VIPR1: variants seen among roughly 807,000 people sequenced by gnomAD.
The protein encoded by VIPR1 is vasoactive intestinal peptide receptor 1.
Under a neutral mutation model 58.8 loss-of-function variants are expected in VIPR1, and 59 were observed. That is an observed-to-expected ratio of 1.00 (90% CI 0.81 to 1.25). The LOEUF (loss-of-function observed/expected upper bound fraction) is 1.25. Among genes scored for constraint, VIPR1 ranks in the 50% most tolerant of loss-of-function variants. VIPR1 has a pLI of 0.00. For synonymous variants in VIPR1, 251 were observed against 242.1 expected (o/e 1.04, Z -0.34); for missense variants, 626 against 602.7 (o/e 1.04, Z -0.40).
chr3:42,493,303 G>T (rs1438777222), intron 1 of VIPR1, among the ~76,000 whole-genome samples: 1 of 152,152 alleles, frequency 6.6e-6, no homozygotes, highest in African/African-American at 2.4e-5. Flanking sequence ...TCAGGGAGAG[G>T]GCAGCCACTC....
chr3:42,507,958 A>C (rs1559481145), intron 1 of VIPR1: 1 of 72,096 alleles, frequency 1.4e-5, no homozygotes, highest in Non-Finnish European at 4.3e-5. Flanking sequence ...GAGGCTGGCA[A>C]AAAAAAAAAA....
chr3:42,531,865 T>G lies in VIPR1; in HGVS notation c.914T>G (p.Ile305Ser). 1 of 1,614,036 alleles carries G rather than the reference T, an allele frequency of 6.2e-7. No homozygotes were observed. The highest frequency in any genetic ancestry group is 8.5e-7 in the Non-Finnish European group (1 of 1,179,988). The change falls in exon 9 of 13, where the codon ATC becomes AGC. Residue 305 changes from isoleucine to serine, a missense_variant. By Grantham distance (142) the Ile-to-Ser change is moderately radical. Transcript: ENST00000325123. ...WIIKGPILTS[I>S]LVNFILFICI... is the part of the protein sequence containing the mutation. ...ATAAAGGGCCCCATCCTCACCTCCATCTTGGTAAGATACCCTCCCACCACC... is the reference window on the plus strand; with the variant it reads ...ATAAAGGGCCCCATCCTCACCTCCAGCTTGGTAAGATACCCTCCCACCACC...
Position 42,536,501 on chromosome 3 carries a change from C to A in VIPR1, c.*220C>A. The A allele has an allele frequency of 4.3e-6, 2 of 460,352 alleles. No individual in the cohort carries two copies. Among genetic ancestry groups the A allele is most frequent in the South Asian group, 4.8e-5 (1 of 20,952 alleles). The allele number at this position is 460,352 out of a possible 1,614,324, so 28.5% of individuals were successfully genotyped here. Reference sequence around the variant, plus strand: ...AAGTGAGAGAGATGGGAGCTCCTCTCCTGGAGGATTGCAGGTGGAACTCAG... The same window carrying A: ...AAGTGAGAGAGATGGGAGCTCCTCTACTGGAGGATTGCAGGTGGAACTCAG... On this transcript the variant is annotated 3_prime_UTR_variant, in exon 13 of 13. Coordinates refer to ENST00000325123, the MANE Select transcript of VIPR1 (RefSeq NM_004624.4).
chr3:42,520,375 T>C (rs562551114), intron 3 of VIPR1, among the ~76,000 whole-genome samples: 5 of 152,160 alleles, frequency 3.3e-5, no homozygotes, highest in Non-Finnish European at 7.3e-5. Flanking sequence ...AAGTCCAATT[T>C]AGATTTTTAA....
chr3:42,503,496 C>T (rs1699971431), intron 1 of VIPR1, among the ~76,000 whole-genome samples: 1 of 152,196 alleles, frequency 6.6e-6, no homozygotes, highest in Non-Finnish European at 1.5e-5. Context: ...CTCCCTCTTC[C>T]TCCCACTTCT....
At position 42,536,185 on chromosome 3, in the gene VIPR1, C is replaced by T. The variant is rs1215739211; in HGVS notation, c.1278C>T (p.Asn426=). The T allele has an allele frequency of 6.2e-7, 1 of 1,604,830 alleles. No homozygotes were observed. Among genetic ancestry groups the T allele is most frequent in the Non-Finnish European group, 8.5e-7 (1 of 1,176,436 alleles). ...PKYRHPSGGS[N]GATCSTQVSM... ...ACCGGCACCCGTCGGGAGGCAGCAA[C>T]GGCGCCACGTGCAGCACGCAGGTTT... Residue 426 remains asparagine (N), a synonymous_variant, in exon 13 of 13, where the codon AAC becomes AAT. Transcript: ENST00000325123.
At chr3:42,528,522 C>T (rs912053914) in intron 6 of VIPR1, 11 of 219,604 alleles carry the variant, frequency 5.0e-5, no homozygotes, top group Admixed American at 1.5e-4. Flanking sequence ...TGCCATCTGC[C>T]ACCTGCATAG....
chr3:42,497,237 G>T (rs56775805), intron 1 of VIPR1, among the ~76,000 whole-genome samples: 5,077 of 152,200 alleles, frequency 0.033, 191 homozygotes, highest in African/African-American at 0.097. Flanking sequence ...CTCTGAGAGA[G>T]GATGCAGTGC....
intron 11 of VIPR1, 24 bp from the exon 12 acceptor site, chr3:42,535,319 C>T (rs1379086969): frequency 3.7e-6 from 6 of 1,613,938 alleles, no homozygotes; most frequent in Non-Finnish European, 5.1e-6. Flanking sequence ...TCTACCTCAC[C>T]TCTCCTGTCA....
intron 3 of VIPR1, among the ~76,000 whole-genome samples, chr3:42,523,012 C>A (rs1400997157): frequency 1.3e-5 from 2 of 152,064 alleles, no homozygotes; most frequent in Non-Finnish European, 2.9e-5. Flanking sequence ...GCAGACCTGG[C>A]AAGTGTCCCT....
chr3:42,499,106 A>C (rs902564597), upstream of VIPR1, among the ~76,000 whole-genome samples: 1 of 152,260 alleles, frequency 6.6e-6, no homozygotes, highest in East Asian at 1.9e-4. Context: ...TGTTGCCTGC[A>C]TCCAGACAGC....
intron 3 of VIPR1, among the ~76,000 whole-genome samples, chr3:42,520,598 G>T (rs921894510): frequency 1.3e-5 from 2 of 152,088 alleles, no homozygotes; most frequent in Non-Finnish European, 2.9e-5. Flanking sequence ...TGAGCCTTAG[G>T]GAAGAGAGTG....
intron 3 of VIPR1, 145 bp downstream of exon 3, chr3:42,519,475 T>C (rs958001307): frequency 1.7e-6 from 1 of 574,952 alleles, no homozygotes; most frequent in Non-Finnish European, 2.9e-6. Context: ...GCAATGGTGC[T>C]GGGTCTTTAA....
At chr3:42,498,120 T>A (rs967733267), upstream of VIPR1, among the ~76,000 whole-genome samples, 11 of 152,176 alleles carry the variant, frequency 7.2e-5, no homozygotes, top group Non-Finnish European at 1.6e-4. Context: ...CATGCCTCAG[T>A]TTCCCCTCTG....
intron 1 of VIPR1, among the ~76,000 whole-genome samples, chr3:42,496,964 C>G (rs74528334): frequency 7.4e-6 from 1 of 135,832 alleles, no homozygotes; most frequent in Non-Finnish European, 1.6e-5. Context: ...TTTCTTTTTT[C>G]CCCAGTGGAT....
In VIPR1 at chr3:42,535,278, G is replaced by T. The variant is rs574262514; in HGVS notation, c.1141-65G>T. The T allele has an allele frequency of 1.0e-5, 16 of 1,603,542 alleles. No homozygotes were observed. The African/African-American group carries it at 2.1e-4, about 21-fold the overall frequency. The stretch of plus-strand genomic sequence containing the variant: ...AGGGGAACACAGGGGCTGGAGCCAG[G>T]GGTGGGGCAGGGCTGGGGGCTTCTG... On this transcript the variant is annotated intron_variant, in intron 11 of 12. Transcript: ENST00000325123.
Position 42,502,787 on chromosome 3 carries a change from G to A in VIPR1, c.52G>A (p.Ala18Thr). The A allele has an allele frequency of 3.1e-6, 4 of 1,282,946 alleles. No homozygotes were observed. The highest frequency in any genetic ancestry group is 3.1e-5 in the East Asian group (1 of 31,968). The allele number at this position is 1,282,946 out of a possible 1,614,324, so 79.5% of individuals were successfully genotyped here. A position where few individuals can be genotyped will look rare whatever the true frequency, so the allele number is the denominator to read the frequency against. The change falls in exon 1 of 13, where the codon GCC (alanine) becomes ACC (threonine). Residue 18 changes from alanine to threonine, a missense_variant. Physicochemically the swap from Ala to Thr is moderately conservative, Grantham distance 58. Coordinates refer to ENST00000325123, the MANE Select transcript of VIPR1 (RefSeq NM_004624.4). Reference protein sequence around the residue: ...PARWLCVLAGALAWALGPAGG... With the variant: ...PARWLCVLAGTLAWALGPAGG... ...CCGCTGGCTATGCGTGCTGGCAGGC[G>A]CCCTCGCCTGGGCCCTTGGGCCGGC...
intron 10 of VIPR1, 105 bp downstream of exon 10, chr3:42,532,438 A>G: frequency 8.2e-7 from 1 of 1,216,704 alleles, no homozygotes; most frequent in Non-Finnish European, 1.2e-6. Context: ...CAGAGTCACC[A>G]AAGAGCCACA....
At chr3:42,530,992 C>G in intron 7 of VIPR1, 60 bp downstream of exon 7, 1 of 1,592,862 alleles carries the variant, frequency 6.3e-7, no homozygotes, top group Non-Finnish European at 8.6e-7. Flanking sequence ...TGGAGAACTC[C>G]CTAGGGGGAG....
Sources: gnomAD v4.1 joint callset for allele counts (sites outside exome capture counted in the v4.1 genomes callset) on GRCh38, gnomAD v4.1.1 for gene constraint, MANE v1.5 for transcripts, NCBI Gene and HGNC (gene_info 2026-07-23, HGNC 2026-07-21) for gene names.